TRHDE: variants seen among roughly 807,000 people sequenced by gnomAD.
TRHDE encodes thyrotropin-releasing hormone-degrading ectoenzyme.
Under a neutral mutation model 125.7 loss-of-function variants are expected in TRHDE, and 72 were observed. The ratio of observed to expected loss-of-function variants is 0.57; its 90% confidence interval spans 0.47 to 0.70. TRHDE has a LOEUF of 0.70. TRHDE is among the 30% of genes least tolerant of loss of function. The pLI is 0.00. For synonymous variants in TRHDE, 509 were observed against 509.1 expected (o/e 1.00, Z 0.00); for missense variants, 1,110 against 1,327.1 (o/e 0.84, Z 2.54).
At chr12:72,294,233 C>T (rs1277564131) in intron 2 of TRHDE, among the ~76,000 whole-genome samples, 1 of 152,180 alleles carries the variant, frequency 6.6e-6, no homozygotes, top group East Asian at 1.9e-4. Context: ...TTTAGCCTCA[C>T]CATTCAATGG....
intron 2 of TRHDE, among the ~76,000 whole-genome samples, chr12:72,170,665 T>A (rs1876852779): frequency 6.6e-6 from 1 of 152,004 alleles, no homozygotes; most frequent in Non-Finnish European, 1.5e-5. Context: ...AGGTCTGGGG[T>A]GGATGAAGAG....
chr12:72,137,712 G>C (rs1285047665), intron 2 of TRHDE: 1 of 152,208 alleles, frequency 6.6e-6, no homozygotes, highest in Non-Finnish European at 1.5e-5. Context: ...TCCTTCAGGA[G>C]AATTAGGATT....
At chr12:72,353,318 C>T (rs1429109311) in intron 2 of TRHDE, among the ~76,000 whole-genome samples, 1 of 151,214 alleles carries the variant, frequency 6.6e-6, no homozygotes, top group Non-Finnish European at 1.5e-5. Flanking sequence ...GATTGATACA[C>T]AGAATATACA....
In TRHDE at chr12:72,272,702, A is replaced by G; in HGVS notation, c.59A>G (p.Lys20Arg). Residue 20 changes from lysine (K) to arginine (R), a missense_variant, in exon 1 of 19, where the codon AAG (lysine) becomes AGG (arginine). Physicochemically the swap from Lys to Arg is conservative, Grantham distance 26. Transcript: ENST00000261180. The surrounding 1 kb of genome is among the most constrained non-coding windows in gnomAD (Gnocchi z 6.7). ...QEEEKKKKKK[K>R]KRKKKKEEEE... ...GAGGAGAAGAAAAAGAAGAAGAAAAAGAAGAGGAAGAAGAAGAAGGAGGAG... is the reference window on the plus strand; with the variant it reads ...GAGGAGAAGAAAAAGAAGAAGAAAAGGAAGAGGAAGAAGAAGAAGGAGGAG... The G allele has an allele frequency of 2.3e-6, 2 of 883,664 alleles. No individual in the cohort carries two copies. Among genetic ancestry groups the G allele is most frequent in the Non-Finnish European group, 3.1e-6 (2 of 649,968 alleles). 54.7% of individuals were successfully genotyped at this position (883,664 alleles called of 1,614,324 possible). A position where few individuals can be genotyped will look rare whatever the true frequency, so the allele number is the denominator to read the frequency against.
In TRHDE at chr12:72,513,812, G is replaced by A. The variant is rs556567102; in HGVS notation, c.1722+14177G>A. Among the ~76,000 whole-genome samples the A allele has an allele frequency of 3.3e-5, 5 of 152,106 alleles. No individual in the cohort carries two copies. In the South Asian group the frequency reaches 1.0e-3, roughly 32 times the overall value. On this transcript the variant is annotated intron_variant, in intron 6 of 18. Coordinates refer to ENST00000261180, the MANE Select transcript of TRHDE (RefSeq NM_013381.3). ...AGAGGTAAGAAAATAAGACAAAGCCGAAGGTGAGAAGTTTAATGGGAGGCC... is the reference window on the plus strand; with the variant it reads ...AGAGGTAAGAAAATAAGACAAAGCCAAAGGTGAGAAGTTTAATGGGAGGCC...
At chr12:72,662,553 A>G (rs1225817294) in intron 18 of TRHDE, among the ~76,000 whole-genome samples, 1 of 152,122 alleles carries the variant, frequency 6.6e-6, no homozygotes, top group African/African-American at 2.4e-5. Flanking sequence ...TGGTTATTCA[A>G]TGACATCAAA....
upstream of TRHDE, among the ~76,000 whole-genome samples, chr12:72,269,694 G>A (rs1039663066): frequency 6.6e-6 from 1 of 152,106 alleles, no homozygotes; most frequent in Non-Finnish European, 1.5e-5. Flanking sequence ...CTGTTTGAGA[G>A]CACAGTAGGG....
At chr12:72,520,231 TC>T (rs1879118285) in intron 6 of TRHDE, among the ~76,000 whole-genome samples, 1 of 151,078 alleles carries the variant, frequency 6.6e-6, no homozygotes, top group South Asian at 2.1e-4. Flanking sequence ...CGGGCGCCCC[TC>T]CCCCAGTCTC....
intron 9 of TRHDE, among the ~76,000 whole-genome samples, chr12:72,564,302 T>G (rs1300458127): frequency 6.6e-6 from 1 of 152,094 alleles, no homozygotes; most frequent in Non-Finnish European, 1.5e-5. Flanking sequence ...TTTCTAATCT[T>G]CTGATGTCTG....
chr12:72,362,565 T>C (rs915589565), intron 2 of TRHDE, among the ~76,000 whole-genome samples: 1 of 151,118 alleles, frequency 6.6e-6, no homozygotes, highest in Non-Finnish European at 1.5e-5. Context: ...CTCTTTAGTT[T>C]AATTAGATCC....
chr12:72,206,859 A>G (rs1237953858), intron 2 of TRHDE, among the ~76,000 whole-genome samples: 1 of 151,806 alleles, frequency 6.6e-6, no homozygotes, highest in East Asian at 1.9e-4. Context: ...TCTACATATA[A>G]TAATATATAT....
At chr12:72,616,217 T>C (rs151019505) in intron 12 of TRHDE, among the ~76,000 whole-genome samples, 2 of 152,248 alleles carry the variant, frequency 1.3e-5, no homozygotes, top group African/African-American at 2.4e-5. Flanking sequence ...TTTCACACAA[T>C]GCCAGAAGTC....
At chr12:72,169,124 T>A (rs1876815908) in intron 2 of TRHDE, among the ~76,000 whole-genome samples, 1 of 152,060 alleles carries the variant, frequency 6.6e-6, no homozygotes, top group South Asian at 2.1e-4. Context: ...TCTCAAGTTA[T>A]GTCAATGAAA....
rs374863284 is a variant in TRHDE at position 72,590,062 on chromosome 12, A to T, written c.2321+14520A>T. Among the ~76,000 whole-genome samples the T allele has an allele frequency of 1.2e-4, 18 of 152,034 alleles. No individual in the cohort carries two copies. In the South Asian group the frequency reaches 1.9e-3, roughly 16 times the overall value. ...AGCACAGTTTTATTAGCATCCCATA[A>T]AATTTTATATATGGTATCATTCAGT... On this transcript the variant is annotated intron_variant, in intron 12 of 18. Transcript: ENST00000261180.
intron 3 of TRHDE, among the ~76,000 whole-genome samples, chr12:72,427,329 C>T (rs1184850043): frequency 2.0e-5 from 3 of 152,104 alleles, no homozygotes; most frequent in African/African-American, 7.2e-5. Context: ...GAACTCTCTC[C>T]ACAGCTCTTT....
intron 1 of TRHDE, among the ~76,000 whole-genome samples, chr12:72,088,141 G>C (rs1329132993): frequency 1.3e-5 from 2 of 152,148 alleles, no homozygotes; most frequent in Non-Finnish European, 2.9e-5. Flanking sequence ...CTTAGGCTGA[G>C]TAAGTCCCAG....
chr12:72,149,379 G>T (rs927186855), intron 2 of TRHDE, among the ~76,000 whole-genome samples: 1 of 152,094 alleles, frequency 6.6e-6, no homozygotes, highest in Non-Finnish European at 1.5e-5. Flanking sequence ...CAGTCAATAC[G>T]AATTAGGAAT....
intron 2 of TRHDE, among the ~76,000 whole-genome samples, chr12:72,207,598 G>A (rs78753022): frequency 6.6e-6 from 1 of 152,138 alleles, no homozygotes; most frequent in Non-Finnish European, 1.5e-5. Context: ...AGCAATTCTG[G>A]TAAAATGTCT....
intron 5 of TRHDE, among the ~76,000 whole-genome samples, chr12:72,492,747 C>A (rs901358552): frequency 6.6e-6 from 1 of 151,742 alleles, no homozygotes; most frequent in Non-Finnish European, 1.5e-5. Context: ...TTTTGTTTAA[C>A]CTAGGGACTC....
Sources: gnomAD v4.1 joint callset for allele counts (sites outside exome capture counted in the v4.1 genomes callset) on GRCh38, gnomAD v4.1.1 for gene constraint, Gnocchi (gnomAD v3.1) non-coding constraint, MANE v1.5 for transcripts, NCBI Gene and HGNC (gene_info 2026-07-23, HGNC 2026-07-21) for gene names.